RAPGEF2: variants seen among roughly 807,000 people sequenced by gnomAD.
RAPGEF2 encodes PDZ domain containing guanine nucleotide exchange factor (GEF) 1.
In RAPGEF2, 54 loss-of-function variants were observed where a neutral mutation model predicts 186.7. The observed-to-expected ratio is 0.29, with a 90% CI of 0.23 to 0.36. The LOEUF (loss-of-function observed/expected upper bound fraction) is 0.36. Among genes scored for constraint, RAPGEF2 ranks in the 10% least tolerant of loss-of-function variants. RAPGEF2 has a pLI of 1.00. For missense variants in RAPGEF2, 1,532 were observed against 2,045.0 expected (o/e 0.75, Z 4.84); for synonymous variants, 712 against 705.9 (o/e 1.01, Z -0.14).
intron 7 of RAPGEF2, among the ~76,000 whole-genome samples, chr4:159,302,107 A>C (rs1762740346): frequency 6.6e-6 from 1 of 152,148 alleles, no homozygotes; most frequent in South Asian, 2.1e-4. Context: ...ATTTCCATGT[A>C]ATTCTGATAT....
chr4:159,250,665 C>CTTTTTTT (rs34304252), intron 7 of RAPGEF2, among the ~76,000 whole-genome samples: 31 of 123,020 alleles, frequency 2.5e-4, no homozygotes, highest in African/African-American at 9.2e-4. Context: ...TAGCACTCTT[C>CTTTTTTT]TTTTTTTTTT....
chr4:159,256,227 A>G (rs896346271), intron 7 of RAPGEF2, among the ~76,000 whole-genome samples: 3 of 152,102 alleles, frequency 2.0e-5, no homozygotes, highest in Admixed American at 6.5e-5. Context: ...TCTTCCCAGT[A>G]TGGCCCCCTG....
Position 159,275,609 on chromosome 4 carries a change from A to G in RAPGEF2, c.544-28733A>G, listed in dbSNP as rs368206546. On this transcript the variant is annotated intron_variant, in intron 7 of 29. Coordinates refer to ENST00000691494, the MANE Select transcript of RAPGEF2 (RefSeq NM_001394067.2). ...ATTAAGATTTGCTTACTTTATTAGT[A>G]AAAATTGAGTTTTGAGAATATACGC... Among the ~76,000 whole-genome samples the G allele has an allele frequency of 8.5e-5, 13 of 152,308 alleles. No individual in the cohort carries two copies. The East Asian group carries it at 1.5e-3, about 18-fold the overall frequency.
chr4:159,282,054 A>G (rs962680651), intron 7 of RAPGEF2, among the ~76,000 whole-genome samples: 2 of 152,206 alleles, frequency 1.3e-5, no homozygotes, highest in African/African-American at 2.4e-5. Flanking sequence ...AATACTGTTA[A>G]TGATGCATAC....
At position 159,358,781 on chromosome 4, in the gene RAPGEF2, A is replaced by G. The variant is rs1732403278; in HGVS notation, c.*642A>G. Reference sequence around the variant, plus strand: ...AGTAGGGTTGCCAGCCTGGTTTCTGAAAAACCAAATATGCCGGACAGGGTG... The same window carrying G: ...AGTAGGGTTGCCAGCCTGGTTTCTGGAAAACCAAATATGCCGGACAGGGTG... On this transcript the variant is annotated 3_prime_UTR_variant, in exon 30 of 30. Coordinates refer to ENST00000691494, the MANE Select transcript of RAPGEF2 (RefSeq NM_001394067.2). 1 of 152,232 alleles carries G rather than the reference A, an allele frequency of 6.6e-6. No individual in the cohort carries two copies. The highest frequency in any genetic ancestry group is 6.5e-5 in the Admixed American group (1 of 15,290). 9.4% of individuals were successfully genotyped at this position (152,232 alleles called of 1,614,324 possible).
Position 159,353,408 on chromosome 4 carries a change from G to A in RAPGEF2, c.4092-79G>A, listed in dbSNP as rs1408741283. The A allele has an allele frequency of 1.7e-6, 2 of 1,149,014 alleles. No individual in the cohort carries two copies. Among genetic ancestry groups the A allele is most frequent in the Non-Finnish European group, 2.4e-6 (2 of 850,918 alleles). 71.2% of individuals were successfully genotyped at this position (1,149,014 alleles called of 1,614,324 possible). The stretch of plus-strand genomic sequence containing the variant: ...AAGCAAGCTACCTTTCTAGGAAAAA[G>A]GGTATTTTGGTTTTATCATAGGTGA... On this transcript the variant is annotated intron_variant, in intron 27 of 29. Transcript: ENST00000691494. The surrounding 1 kb of genome is among the most constrained non-coding windows in gnomAD (Gnocchi z 4.3).
At chr4:159,246,717 TAAG>T (rs1398020135) in intron 7 of RAPGEF2, among the ~76,000 whole-genome samples, 3 of 152,328 alleles carry the variant, frequency 2.0e-5, no homozygotes, top group Admixed American at 6.5e-5. Flanking sequence ...TGTTCTTAAA[TAAG>T]AAGTAGGCAA....
intron 4 of RAPGEF2, among the ~76,000 whole-genome samples, chr4:159,230,159 A>T (rs541828666): frequency 6.6e-6 from 1 of 152,308 alleles, no homozygotes; most frequent in Admixed American, 6.5e-5. Context: ...CTTAAAACAC[A>T]TATACCATAC....
intron 5 of RAPGEF2, 89 bp from the exon 6 acceptor site, chr4:159,241,112 A>G (rs1211969011): frequency 3.7e-6 from 4 of 1,084,816 alleles, no homozygotes; most frequent in African/African-American, 1.6e-5. Context: ...ATGATTGAAT[A>G]TGGGTTATCT....
chr4:159,338,104 C>CA (rs1442881797), intron 17 of RAPGEF2, among the ~76,000 whole-genome samples: 1 of 146,816 alleles, frequency 6.8e-6, no homozygotes, highest in Non-Finnish European at 1.5e-5. Flanking sequence ...AACAAACAAA[C>CA]AAAAACAAAA....
chr4:159,307,935 C>T (rs4691554), intron 8 of RAPGEF2, among the ~76,000 whole-genome samples: 14,446 of 152,256 alleles, frequency 0.095, 786 homozygotes, highest in Middle Eastern at 0.16. Context: ...CTCCCCACTG[C>T]ACTCCAGCCT....
At chr4:159,212,660 TTTAG>T (rs1365857432) in intron 4 of RAPGEF2, among the ~76,000 whole-genome samples, 3 of 152,318 alleles carry the variant, frequency 2.0e-5, no homozygotes, top group African/African-American at 7.2e-5. Flanking sequence ...CTTTCCACAA[TTTAG>T]TTAATAATTT....
chr4:159,353,058 A>G lies in RAPGEF2; in HGVS notation c.4091+148A>G. 1.3e-6 allele frequency: 1 copy of G among 760,582 alleles called. No homozygotes were observed. Among genetic ancestry groups the G allele is most frequent in the Non-Finnish European group, 2.1e-6 (1 of 476,854 alleles). The allele number at this position is 760,582 out of a possible 1,614,324, so 47.1% of individuals were successfully genotyped here. A position where few individuals can be genotyped will look rare whatever the true frequency, so the allele number is the denominator to read the frequency against. On this transcript the variant is annotated intron_variant, in intron 27 of 29. Transcript: ENST00000691494. This position sits in a 1 kb window ranked among gnomAD's most constrained non-coding sequence, Gnocchi z 4.3. ...CCCAGTTCTGATTTTCACAATTTCT[A>G]CACTAAGTATCATGTTATTTTTGTT...
At chr4:159,133,852 G>C (rs1560997552) in intron 1 of RAPGEF2, among the ~76,000 whole-genome samples, 1 of 152,088 alleles carries the variant, frequency 6.6e-6, no homozygotes, top group Non-Finnish European at 1.5e-5. Flanking sequence ...CAAAGTCCTG[G>C]GATTACAGGC....
At chr4:159,238,700 G>T in intron 4 of RAPGEF2, 109 bp from the exon 5 acceptor site, 1 of 641,666 alleles carries the variant, frequency 1.6e-6, no homozygotes, top group South Asian at 3.6e-5. Context: ...TGTACTTTTT[G>T]TAATTGTTTT....
At chr4:159,170,125 G>A (rs1388812915) in intron 1 of RAPGEF2, among the ~76,000 whole-genome samples, 2 of 147,622 alleles carry the variant, frequency 1.4e-5, no homozygotes, top group East Asian at 3.9e-4. Context: ...ATGAGGTTTT[G>A]TTGTGGTTTT....
At chr4:159,149,845 G>A (rs1743341918) in intron 1 of RAPGEF2, among the ~76,000 whole-genome samples, 1 of 152,154 alleles carries the variant, frequency 6.6e-6, no homozygotes, top group Admixed American at 6.5e-5. Context: ...ATAATCAGAA[G>A]TTCTTAGGAG....
intron 7 of RAPGEF2, among the ~76,000 whole-genome samples, chr4:159,290,069 C>T (rs552674262): frequency 3.3e-4 from 50 of 152,128 alleles, no homozygotes; most frequent in African/African-American, 9.2e-4. Context: ...ATTTTCCTAT[C>T]GTGTTTTAAA....
rs186394019 is a variant in RAPGEF2 at position 159,204,013 on chromosome 4, A to G, written c.198-6487A>G. 2.1e-3 allele frequency among the ~76,000 whole-genome samples: 319 copies of G among 152,292 alleles called. 1 individual carries two copies. Among genetic ancestry groups the G allele is most frequent in the African/African-American group, 7.1e-3 (295 of 41,556 alleles). Reference sequence around the variant, plus strand: ...TCCTGCTTCCTTCATGGGCTCTGCCAGGGGGTTTGGACCTTCTCCTGTGAA... The same window carrying G: ...TCCTGCTTCCTTCATGGGCTCTGCCGGGGGGTTTGGACCTTCTCCTGTGAA... On this transcript the variant is annotated intron_variant, in intron 3 of 29. Transcript: ENST00000691494.
Sources: allele counts gnomAD v4.1 joint callset (sites outside exome capture counted in the v4.1 genomes callset), GRCh38; gene constraint gnomAD v4.1.1; non-coding constraint Gnocchi (gnomAD v3.1); transcripts MANE v1.5; gene names NCBI Gene and HGNC (gene_info 2026-07-23, HGNC 2026-07-21).